The following SORCS3 variants were observed in gnomAD, a reference collection of about 807,000 sequenced individuals.
SORCS3 encodes the protein VPS10 domain-containing receptor SorCS3.
SORCS3 carries 57 observed loss-of-function variants against 146.3 expected under a neutral mutation model. The observed-to-expected ratio is 0.39, with a 90% CI of 0.31 to 0.49. The LOEUF (loss-of-function observed/expected upper bound fraction) is 0.49, where lower values mean the gene tolerates loss of function less well. Ranked by LOEUF, SORCS3 falls within the 20% of genes least tolerant of loss-of-function variation. The pLI, the probability that SORCS3 is intolerant of heterozygous loss-of-function variation, is 0.92. For synonymous variants in SORCS3, 653 were observed against 618.5 expected, an observed-to-expected ratio of 1.06 and a Z score of -0.83; for missense variants, 1,341 against 1,575.5, an observed-to-expected ratio of 0.85 and a Z score of 2.52.
At chr10:104,920,518 C>G (rs1181304754) in intron 3 of SORCS3, among the ~76,000 whole-genome samples, 1 of 152,212 alleles carries the variant, frequency 6.6e-6, no homozygotes, top group South Asian at 2.1e-4. Flanking sequence ...CACATGATCT[C>G]TAATCCTCCC....
At chr10:104,777,962 TG>T (rs1334200486) in intron 1 of SORCS3, among the ~76,000 whole-genome samples, 1 of 152,096 alleles carries the variant, frequency 6.6e-6, no homozygotes, top group African/African-American at 2.4e-5. Context: ...TACCAGAGAC[TG>T]GGAAGGGCTA....
intron 7 of SORCS3, among the ~76,000 whole-genome samples, chr10:105,113,614 C>T (rs2133759370): frequency 6.6e-6 from 1 of 152,240 alleles, no homozygotes; most frequent in East Asian, 1.9e-4. Flanking sequence ...TTAGAGAGAC[C>T]TGGAAGTTCT....
At chr10:104,879,232 A>G (rs1281841495) in intron 2 of SORCS3, among the ~76,000 whole-genome samples, 1 of 152,210 alleles carries the variant, frequency 6.6e-6, no homozygotes, top group African/African-American at 2.4e-5. Context: ...GATAAAATCA[A>G]GGTGAAGTAG....
intron 2 of SORCS3, among the ~76,000 whole-genome samples, chr10:104,909,207 A>T (rs1029929087): frequency 6.6e-6 from 1 of 152,158 alleles, no homozygotes; most frequent in Non-Finnish European, 1.5e-5. Context: ...GCGGAGGTCC[A>T]CAAAACCCAA....
At chr10:104,991,606 A>G (rs190045559) in intron 4 of SORCS3, among the ~76,000 whole-genome samples, 8 of 151,640 alleles carry the variant, frequency 5.3e-5, no homozygotes, top group Middle Eastern at 3.4e-3. Flanking sequence ...GGTTCAAGCA[A>G]TTATTCTGCC....
chr10:104,765,907 G>C (rs1330963947), intron 1 of SORCS3, among the ~76,000 whole-genome samples: 1 of 152,164 alleles, frequency 6.6e-6, no homozygotes, highest in Non-Finnish European at 1.5e-5. Context: ...TCTGGCTCCA[G>C]GGTCTGTGTT....
intron 20 of SORCS3, among the ~76,000 whole-genome samples, chr10:105,244,998 G>C (rs1007673187): frequency 6.6e-6 from 1 of 151,578 alleles, no homozygotes; most frequent in African/African-American, 2.4e-5. Flanking sequence ...GAACCCAGGA[G>C]GCGGAGGTTG....
rs571599799 is a variant in SORCS3 at position 105,128,798 on chromosome 10, C to T, written c.1213-10599C>T. ...TTCTAAAAGCTTGTGTTCCTGGGAA[C>T]ATACCATAGGTCTATTATAACAATC... On this transcript the variant is annotated intron_variant, in intron 7 of 26. Coordinates refer to ENST00000369701, the MANE Select transcript of SORCS3 (RefSeq NM_014978.3). 4.6e-5 allele frequency among the ~76,000 whole-genome samples: 7 copies of T among 152,290 alleles called. No homozygotes were observed. The East Asian group carries it at 1.4e-3, about 29-fold the overall frequency.
chr10:105,148,730 G>A (rs2056149257), intron 9 of SORCS3, among the ~76,000 whole-genome samples: 1 of 152,074 alleles, frequency 6.6e-6, no homozygotes, highest in Non-Finnish European at 1.5e-5. Context: ...ATTGAGGAGT[G>A]GGAGTGGCTA....
chr10:104,655,247 C>CAA (rs34712784), intron 1 of SORCS3, among the ~76,000 whole-genome samples: 238 of 133,274 alleles, frequency 1.8e-3, no homozygotes, highest in South Asian at 3.1e-3. Context: ...AGCTCCGTCT[C>CAA]AAAAAAAAAA....
chr10:104,663,052 C>CGTCTCT (rs2015722365), intron 1 of SORCS3, among the ~76,000 whole-genome samples: 1 of 152,142 alleles, frequency 6.6e-6, no homozygotes, highest in Non-Finnish European at 1.5e-5. Context: ...CCCACACTGC[C>CGTCTCT]GTCTCTCCTT....
chr10:104,968,020 T>C (rs2054836031), intron 3 of SORCS3, among the ~76,000 whole-genome samples: 1 of 152,186 alleles, frequency 6.6e-6, no homozygotes, highest in African/African-American at 2.4e-5. Context: ...TGCCTGGTAG[T>C]GTGCTAAGCC....
intron 7 of SORCS3, among the ~76,000 whole-genome samples, chr10:105,121,811 G>A (rs1303298174): frequency 1.3e-5 from 2 of 152,142 alleles, no homozygotes; most frequent in Admixed American, 6.5e-5. Flanking sequence ...CCCATCCCTG[G>A]GACTTCCCGT....
At chr10:105,178,920 A>G (rs566701876) in intron 14 of SORCS3, among the ~76,000 whole-genome samples, 271 of 152,332 alleles carry the variant, frequency 1.8e-3, no homozygotes, top group African/African-American at 6.1e-3. Flanking sequence ...AAGGGCTCAC[A>G]GCGTGCATCT....
chr10:104,735,454 C>CTTTTTTT (rs1554847561), intron 1 of SORCS3, among the ~76,000 whole-genome samples: 1 of 14,858 alleles, frequency 6.7e-5, no homozygotes, highest in African/African-American at 3.7e-4. Context: ...CTCTCACCGT[C>CTTTTTTT]TGTTTTTTTT....
intron 1 of SORCS3, among the ~76,000 whole-genome samples, chr10:104,781,304 C>T (rs375590426): frequency 6.6e-6 from 1 of 152,200 alleles, no homozygotes; most frequent in Non-Finnish European, 1.5e-5. Context: ...CTTGTGATGC[C>T]ATGGCCAGGA....
intron 1 of SORCS3, among the ~76,000 whole-genome samples, chr10:104,673,747 C>A (rs1443851925): frequency 6.6e-6 from 1 of 152,130 alleles, no homozygotes; most frequent in Non-Finnish European, 1.5e-5. Context: ...CCACTGCACC[C>A]AGTCTCCTTT....
chr10:104,933,010 C>T (rs2019222915), intron 3 of SORCS3, among the ~76,000 whole-genome samples: 2 of 152,192 alleles, frequency 1.3e-5, no homozygotes, highest in South Asian at 4.1e-4. Flanking sequence ...GGATTACAGA[C>T]ATGAGCCACT....
chr10:104,895,374 A>G (rs1171943346), intron 2 of SORCS3, among the ~76,000 whole-genome samples: 2 of 152,160 alleles, frequency 1.3e-5, no homozygotes, highest in Non-Finnish European at 2.9e-5. Flanking sequence ...GTAGTGAGTG[A>G]TAGCCTCTTT....
Sources: gnomAD v4.1 joint callset for allele counts (sites outside exome capture counted in the v4.1 genomes callset) on GRCh38, gnomAD v4.1.1 for gene constraint, MANE v1.5 for transcripts, NCBI Gene and HGNC (gene_info 2026-07-23, HGNC 2026-07-21) for gene names.